Variants in ZDHHC2 observed in about 807,000 individuals in gnomAD.
ZDHHC2 encodes the protein palmitoyltransferase ZDHHC2.
In ZDHHC2, 51 loss-of-function variants were observed where a neutral mutation model predicts 55.6. That is an observed-to-expected ratio of 0.92 (90% confidence interval 0.73 to 1.16). The LOEUF is 1.16. ZDHHC2 is among the 50% of genes most tolerant of loss of function. ZDHHC2 has a pLI of 0.00. For missense variants in ZDHHC2, 491 were observed against 442.4 expected, an observed-to-expected ratio of 1.11 and a Z score of -0.99; for synonymous variants, 199 against 152.9, an observed-to-expected ratio of 1.30 and a Z score of -2.22.
At chr8:17,173,920 T>C (rs544583085) in intron 1 of ZDHHC2, among the ~76,000 whole-genome samples, 58 of 152,106 alleles carry the variant, frequency 3.8e-4, no homozygotes, top group Admixed American at 5.9e-4. Context: ...TAATCCCTTA[T>C]CCAACGTGAC....
rs1807985842 is a variant in ZDHHC2, at chr8:17,223,029, A to T, written c.*2808A>T. On this transcript the variant is annotated 3_prime_UTR_variant, in exon 13 of 13. Transcript: ENST00000262096. ...AAACACTTAACTAGGGAAATCAAAG[A>T]TATAAATCATGTTTATAAAAAATTA... The T allele has an allele frequency of 6.6e-6, 1 of 152,084 alleles. No homozygotes were observed. Among genetic ancestry groups the T allele is most frequent in the Admixed American group, 6.6e-5 (1 of 15,266 alleles). The allele number at this position is 152,084 out of a possible 1,614,324, so 9.4% of individuals were successfully genotyped here. A position where few individuals can be genotyped will look rare whatever the true frequency, so the allele number is the denominator to read the frequency against.
intron 3 of ZDHHC2, among the ~76,000 whole-genome samples, chr8:17,190,077 A>T (rs1420172087): frequency 6.6e-6 from 1 of 151,894 alleles, no homozygotes; most frequent in Non-Finnish European, 1.5e-5. Flanking sequence ...AATAGCAAAA[A>T]TTTTTTTACG....
intron 2 of ZDHHC2, among the ~76,000 whole-genome samples, chr8:17,185,215 G>A (rs529172288): frequency 6.6e-6 from 1 of 152,110 alleles, no homozygotes; most frequent in African/African-American, 2.4e-5. Flanking sequence ...TCATTCTTTA[G>A]AAAAATTTAA....
At chr8:17,199,561 C>CG (rs1563161376) in intron 6 of ZDHHC2, among the ~76,000 whole-genome samples, 11 of 74,162 alleles carry the variant, frequency 1.5e-4, no homozygotes, top group African/African-American at 3.4e-4. Flanking sequence ...TCGTCTTCGT[C>CG]TTCTTCGTCT....
At chr8:17,218,828 A>G (rs754389542) in intron 12 of ZDHHC2, among the ~76,000 whole-genome samples, 6 of 152,172 alleles carry the variant, frequency 3.9e-5, no homozygotes, top group African/African-American at 7.2e-5. Flanking sequence ...AACTTTCCCT[A>G]AAGTAGCTAA....
chr8:17,180,912 C>T (rs1363538669), intron 1 of ZDHHC2, among the ~76,000 whole-genome samples: 1 of 152,096 alleles, frequency 6.6e-6, no homozygotes, highest in East Asian at 1.9e-4. Context: ...ACTTATAGAC[C>T]CTGTCTGTCT....
intron 2 of ZDHHC2, 26 bp from the exon 3 acceptor site, chr8:17,186,305 T>A: frequency 6.8e-7 from 1 of 1,464,766 alleles, no homozygotes; most frequent in Admixed American, 1.9e-5. Flanking sequence ...CATATTATAA[T>A]GATAATTATG....
intron 3 of ZDHHC2, among the ~76,000 whole-genome samples, chr8:17,194,880 T>G (rs1229180226): frequency 6.6e-6 from 1 of 152,170 alleles, no homozygotes; most frequent in South Asian, 2.1e-4. Context: ...TTATAGAAAT[T>G]TATACAGGTG....
At position 17,223,862 on chromosome 8, in the gene ZDHHC2, A is replaced by G. The variant is rs895180665; in HGVS notation, c.*3641A>G. 4 of 151,702 alleles carry G rather than the reference A, an allele frequency of 2.6e-5. No individual in the cohort carries two copies. Among genetic ancestry groups the G allele is most frequent in the Non-Finnish European group, 5.9e-5 (4 of 67,722 alleles). The allele number at this position is 151,702 out of a possible 1,614,324, so 9.4% of individuals were successfully genotyped here. A position where few individuals can be genotyped will look rare whatever the true frequency, so the allele number is the denominator to read the frequency against. ...CATGCATTTTCCTTTTCTCTTTTCC[A>G]TAAGATTTTTTTATTGTAGTAGTGC... On this transcript the variant is annotated 3_prime_UTR_variant, in exon 13 of 13. Coordinates refer to ENST00000262096, the MANE Select transcript of ZDHHC2 (RefSeq NM_016353.5).
At chr8:17,176,299 C>G (rs2705218) in intron 1 of ZDHHC2, among the ~76,000 whole-genome samples, 140,858 of 152,218 alleles carry the variant, frequency 0.93, 65,257 homozygotes, top group East Asian at 1. Flanking sequence ...ACTGAAAACC[C>G]TGTGTTTGGA....
At chr8:17,210,795 T>A (rs1807344032) in intron 10 of ZDHHC2, among the ~76,000 whole-genome samples, 1 of 152,216 alleles carries the variant, frequency 6.6e-6, no homozygotes, top group East Asian at 1.9e-4. Flanking sequence ...AGCTACCCAC[T>A]GCTCAGGTAG....
intron 6 of ZDHHC2, among the ~76,000 whole-genome samples, chr8:17,205,387 G>T (rs1807048927): frequency 6.6e-6 from 1 of 152,216 alleles, no homozygotes; most frequent in African/African-American, 2.4e-5. Flanking sequence ...TTTGAGGGAT[G>T]TGCATACTTG....
intron 3 of ZDHHC2, among the ~76,000 whole-genome samples, chr8:17,190,086 C>T (rs535695385): frequency 1.4e-4 from 22 of 151,988 alleles, no homozygotes; most frequent in African/African-American, 5.1e-4. Context: ...AATTTTTTTA[C>T]GTATTATTCA....
Position 17,199,998 on chromosome 8 carries a change from G to A in ZDHHC2, c.476+1585G>A, listed in dbSNP as rs147857292. On this transcript the variant is annotated intron_variant, in intron 6 of 12. Coordinates refer to ENST00000262096, the MANE Select transcript of ZDHHC2 (RefSeq NM_016353.5). ...TCTCGAACTCTTGACCTTGTGATCC[G>A]CCCGCCTTGGCCTCCCAAAGTGCTG... is the stretch of plus-strand genomic sequence containing the variant. Among the ~76,000 whole-genome samples the A allele has an allele frequency of 4.3e-3, 654 of 151,900 alleles. 5 individuals are homozygous for A. Among genetic ancestry groups the A allele is most frequent in the African/African-American group, 0.014 (601 of 41,454 alleles).
intron 1 of ZDHHC2, among the ~76,000 whole-genome samples, chr8:17,168,499 A>G (rs192782841): frequency 1.0e-3 from 157 of 152,290 alleles, no homozygotes; most frequent in Admixed American, 3.2e-3. Context: ...AATATTGATA[A>G]CATAAAAATT....
chr8:17,186,531 G>C, intron 3 of ZDHHC2, 106 bp downstream of exon 3: 1 of 649,486 alleles, frequency 1.5e-6, no homozygotes, highest in Non-Finnish European at 2.4e-6. Context: ...ATTGAGTTTA[G>C]TGACTTTTTA....
intron 1 of ZDHHC2, among the ~76,000 whole-genome samples, chr8:17,164,524 T>C (rs890114488): frequency 1.3e-5 from 2 of 152,126 alleles, no homozygotes; most frequent in Admixed American, 1.3e-4. Flanking sequence ...AGACCTTTTA[T>C]TCACTAGCAT....
At chr8:17,168,176 A>ATC (rs1269138229) in intron 1 of ZDHHC2, among the ~76,000 whole-genome samples, 3 of 152,194 alleles carry the variant, frequency 2.0e-5, no homozygotes, top group African/African-American at 7.2e-5. Context: ...TTGACTGAAA[A>ATC]AGGTCAAGGA....
intron 6 of ZDHHC2, among the ~76,000 whole-genome samples, chr8:17,200,150 C>T (rs1806673874): frequency 6.6e-6 from 1 of 152,192 alleles, no homozygotes; most frequent in Admixed American, 6.5e-5. Flanking sequence ...CTGCTGAATT[C>T]ATGGCATCTG....
Sources: allele counts gnomAD v4.1 joint callset (sites outside exome capture counted in the v4.1 genomes callset), GRCh38; gene constraint gnomAD v4.1.1; transcripts MANE v1.5; gene names NCBI Gene and HGNC (gene_info 2026-07-23, HGNC 2026-07-21).